LITAF: variants seen among roughly 807,000 people sequenced by gnomAD.
The protein encoded by LITAF is lipopolysaccharide induced TNF factor, also known as lipopolysaccharide-induced tumor necrosis factor-alpha factor.
LITAF carries 9 observed loss-of-function variants against 14.5 expected under a neutral mutation model. The ratio of observed to expected loss-of-function variants is 0.62; its 90% confidence interval spans 0.37 to 1.08. The LOEUF (loss-of-function observed/expected upper bound fraction) is 1.08, where lower values mean the gene tolerates loss of function less well. Ranked by LOEUF, LITAF falls within the 50% of genes least tolerant of loss-of-function variation. The pLI is 0.01. For synonymous variants in LITAF, 98 were observed against 88.2 expected (o/e 1.11, Z -0.62); for missense variants, 206 against 213.4 (o/e 0.97, Z 0.22).
At chr16:11,578,457 G>A (rs1473534649) in intron 1 of LITAF, among the ~76,000 whole-genome samples, 3 of 152,188 alleles carry the variant, frequency 2.0e-5, no homozygotes, top group African/African-American at 7.2e-5. Flanking sequence ...CTTGAACCCA[G>A]GAGGCAGAGG....
chr16:11,628,714 T>C (rs899167405), intron 3 of LITAF, among the ~76,000 whole-genome samples: 1 of 151,930 alleles, frequency 6.6e-6, no homozygotes, highest in Non-Finnish European at 1.5e-5. Context: ...TCTTGCTCTG[T>C]CATCCAGGCT....
chr16:11,618,388 C>T (rs1421265174), intron 3 of LITAF, among the ~76,000 whole-genome samples: 1 of 152,134 alleles, frequency 6.6e-6, no homozygotes, highest in Non-Finnish European at 1.5e-5. Flanking sequence ...AGCCTGGGGA[C>T]GCCATTTGCA....
intron 3 of LITAF, among the ~76,000 whole-genome samples, chr16:11,618,044 A>T (rs2065028727): frequency 6.6e-6 from 1 of 151,768 alleles, no homozygotes; most frequent in Non-Finnish European, 1.5e-5. Context: ...CTTCCAAAAA[A>T]ATTTTTTTGT....
At chr16:11,562,313 C>CAAA (rs57317505) in intron 1 of LITAF, among the ~76,000 whole-genome samples, 407 of 59,710 alleles carry the variant, frequency 6.8e-3, no homozygotes, top group Non-Finnish European at 8.5e-3. Flanking sequence ...GACTCCGTCT[C>CAAA]AAAAAAAAAA....
chr16:11,611,275 C>G (rs546126857), intron 3 of LITAF, among the ~76,000 whole-genome samples: 8 of 152,066 alleles, frequency 5.3e-5, no homozygotes, highest in Admixed American at 5.2e-4. Context: ...CCCAGGAGTT[C>G]GAGGCTGCAA....
chr16:11,573,566 C>G lies in LITAF; in HGVS notation c.-6+13320G>C, dbSNP rs148927881. On this transcript the variant is annotated intron_variant, in intron 1 of 3. Coordinates refer to ENST00000622633, the MANE Select transcript of LITAF (RefSeq NM_001136472.2). ...GGTACCAATCAGGGATGGTCCCTCC[C>G]CACAAGGTACTGAAACGAGGAAGAG... Among the ~76,000 whole-genome samples, 676 of 152,294 alleles carry G rather than the reference C, an allele frequency of 4.4e-3. 9 individuals carry two copies. Among genetic ancestry groups the G allele is most frequent in the African/African-American group, 0.016 (649 of 41,552 alleles).
intron 3 of LITAF, among the ~76,000 whole-genome samples, chr16:11,613,853 A>G (rs961975354): frequency 2.0e-5 from 3 of 152,202 alleles, no homozygotes; most frequent in African/African-American, 7.2e-5. Context: ...ACCCTGCCAC[A>G]TGTTGTCAGA....
chr16:11,573,250 C>T (rs1233022501), intron 1 of LITAF, among the ~76,000 whole-genome samples: 1 of 151,790 alleles, frequency 6.6e-6, no homozygotes, highest in Non-Finnish European at 1.5e-5. Flanking sequence ...TTTTTTAAAC[C>T]CCATAACCAA....
intron 3 of LITAF, among the ~76,000 whole-genome samples, chr16:11,609,722 T>C (rs13336071): frequency 0.011 from 1,743 of 152,256 alleles, 24 homozygotes; most frequent in African/African-American, 0.037. Context: ...AGATGCCTGC[T>C]GTTCAAGGGA....
chr16:11,583,897 C>T (rs1039977351), intron 1 of LITAF, among the ~76,000 whole-genome samples: 1 of 152,210 alleles, frequency 6.6e-6, no homozygotes, highest in Non-Finnish European at 1.5e-5. Flanking sequence ...TGTGTCCATG[C>T]CTTAAGCTCT....
chr16:11,594,143 G>A (rs899005736), intron 1 of LITAF, among the ~76,000 whole-genome samples: 14 of 151,630 alleles, frequency 9.2e-5, no homozygotes, highest in Admixed American at 6.6e-4. Context: ...CCGAGATGGC[G>A]CCACTGCACT....
chr16:11,605,153 C>A lies in LITAF; in HGVS notation c.85+28380G>T, dbSNP rs2064948618. ...TCCTTTCCTCTCTCTCTCTCTCTCT[C>A]CACTGTGCAAACAGGGAGCCCAAGC... On this transcript the variant is annotated intron_variant, in intron 3 of 3. Transcript: ENST00000574848. This position sits in a 1 kb window ranked among gnomAD's most constrained non-coding sequence, Gnocchi z 4.7. 6.6e-6 allele frequency among the ~76,000 whole-genome samples: 1 copy of A among 152,174 alleles called. No homozygotes were observed. Among genetic ancestry groups the A allele is most frequent in the Non-Finnish European group, 1.5e-5 (1 of 68,028 alleles).
At chr16:11,636,518 T>C (rs1286349264), upstream of LITAF, 1 of 152,426 alleles carries the variant, frequency 6.6e-6, no homozygotes, top group Non-Finnish European at 1.5e-5. Flanking sequence ...GGTGTACCTT[T>C]TGCATAGTGC....
chr16:11,587,744 G>T (rs1226085793), upstream of LITAF, among the ~76,000 whole-genome samples: 2 of 152,122 alleles, frequency 1.3e-5, no homozygotes, highest in Non-Finnish European at 2.9e-5. Flanking sequence ...GAGCCCCATC[G>T]GCCGGCTGCA....
chr16:11,597,570 G>C (rs12919032), intron 1 of LITAF, among the ~76,000 whole-genome samples: 4,943 of 152,252 alleles, frequency 0.032, 118 homozygotes, highest in Non-Finnish European at 0.048. Context: ...AGTAGGATTT[G>C]AACCCAAGCT....
At chr16:11,635,024 A>T (rs2065132608) in intron 2 of LITAF, among the ~76,000 whole-genome samples, 1 of 150,676 alleles carries the variant, frequency 6.6e-6, no homozygotes, top group Non-Finnish European at 1.5e-5. Flanking sequence ...TCACAGTGAG[A>T]CTCCATCTCA....
intron 3 of LITAF, among the ~76,000 whole-genome samples, chr16:11,610,082 G>T (rs987147259): frequency 6.6e-6 from 1 of 152,186 alleles, no homozygotes; most frequent in Non-Finnish European, 1.5e-5. Context: ...GCTTTGGGGG[G>T]CCTCAGGGAA....
chr16:11,607,291 G>A (rs1184184057), intron 3 of LITAF, among the ~76,000 whole-genome samples: 1 of 152,214 alleles, frequency 6.6e-6, no homozygotes, highest in Non-Finnish European at 1.5e-5. Context: ...CATGTTCCCT[G>A]CAGAGCTGTG....
At chr16:11,575,081 G>C (rs1476992728) in intron 1 of LITAF, among the ~76,000 whole-genome samples, 1 of 152,146 alleles carries the variant, frequency 6.6e-6, no homozygotes, top group Non-Finnish European at 1.5e-5. Flanking sequence ...GGCATTACAG[G>C]CGTGAGCCAC....
Sources: allele counts gnomAD v4.1 joint callset (sites outside exome capture counted in the v4.1 genomes callset), GRCh38; gene constraint gnomAD v4.1.1; non-coding constraint Gnocchi (gnomAD v3.1); transcripts MANE v1.5; gene names NCBI Gene and HGNC (gene_info 2026-07-23, HGNC 2026-07-21).